Variants in ERI3 observed in about 807,000 individuals in gnomAD.
ERI3 encodes ERI1 exoribonuclease 3.
ERI3 carries 18 observed loss-of-function variants against 44.4 expected under a neutral mutation model. The observed-to-expected ratio is 0.41, with a 90% CI of 0.28 to 0.60. The LOEUF (loss-of-function observed/expected upper bound fraction) is 0.60. Ranked by LOEUF, ERI3 falls within the 20% of genes least tolerant of loss-of-function variation. The pLI is 0.36. For synonymous variants in ERI3, 183 were observed against 164.8 expected (o/e 1.11, Z -0.84); for missense variants, 294 against 435.5 (o/e 0.68, Z 2.89).
chr1:44,251,031 C>T (rs1457592691), intron 7 of ERI3, among the ~76,000 whole-genome samples: 1 of 152,176 alleles, frequency 6.6e-6, no homozygotes, highest in African/African-American at 2.4e-5. Context: ...GTACCAGGGC[C>T]CAGCACCTCA....
At chr1:44,267,473 C>A (rs372764507) in intron 7 of ERI3, among the ~76,000 whole-genome samples, 3 of 152,200 alleles carry the variant, frequency 2.0e-5, no homozygotes, top group East Asian at 3.8e-4. Flanking sequence ...ACACAAACAC[C>A]CACAGTCCAG....
intron 7 of ERI3, among the ~76,000 whole-genome samples, chr1:44,259,724 A>ACACACACACACACACACACAC (rs1553185527): frequency 8.1e-5 from 12 of 148,664 alleles, no homozygotes; most frequent in African/African-American, 1.7e-4. Context: ...ACACACACAC[A>ACACACACACACACACACACAC]AATTAGCCAG....
intron 7 of ERI3, among the ~76,000 whole-genome samples, chr1:44,275,679 C>T (rs996669229): frequency 2.6e-5 from 4 of 152,154 alleles, no homozygotes; most frequent in Non-Finnish European, 5.9e-5. Flanking sequence ...GCATAGTGTA[C>T]GGATGGCAGA....
intron 5 of ERI3, among the ~76,000 whole-genome samples, chr1:44,311,455 C>T (rs1310283640): frequency 6.6e-6 from 1 of 152,158 alleles, no homozygotes; most frequent in Non-Finnish European, 1.5e-5. Context: ...GTCCGGTCTC[C>T]TACCTGCCAG....
chr1:44,230,365 A>T (rs1157884129), intron 8 of ERI3: 1 of 152,218 alleles, frequency 6.6e-6, no homozygotes, highest in East Asian at 1.9e-4. Flanking sequence ...GGTTATAGCC[A>T]GATCACCTAC....
chr1:44,299,405 T>C (rs895652286), intron 6 of ERI3, among the ~76,000 whole-genome samples: 20 of 152,076 alleles, frequency 1.3e-4, no homozygotes, highest in African/African-American at 4.3e-4. Context: ...CTCAGGCTGG[T>C]CTCAAACTCC....
chr1:44,269,567 T>C (rs1645051495), intron 7 of ERI3, among the ~76,000 whole-genome samples: 1 of 152,222 alleles, frequency 6.6e-6, no homozygotes, highest in Admixed American at 6.5e-5. Context: ...CAGACATGCA[T>C]ATACAAATGG....
At chr1:44,250,598 G>A (rs1644656949) in intron 7 of ERI3, among the ~76,000 whole-genome samples, 1 of 152,202 alleles carries the variant, frequency 6.6e-6, no homozygotes, top group Non-Finnish European at 1.5e-5. Context: ...AGTCTGGCTT[G>A]TCAGAGCGAG....
intron 3 of ERI3, among the ~76,000 whole-genome samples, chr1:44,329,077 C>T (rs1020530976): frequency 9.9e-5 from 15 of 152,202 alleles, no homozygotes; most frequent in African/African-American, 3.4e-4. Flanking sequence ...CCTCAGAGTG[C>T]TCAGCACACT....
chr1:44,268,918 C>A (rs1281551911), intron 7 of ERI3, among the ~76,000 whole-genome samples: 1 of 152,190 alleles, frequency 6.6e-6, no homozygotes, highest in Non-Finnish European at 1.5e-5. Context: ...AGCCTAAAAG[C>A]ATTTGGCTTC....
intron 2 of ERI3, among the ~76,000 whole-genome samples, chr1:44,340,762 C>G (rs1182102399): frequency 1.3e-5 from 2 of 152,244 alleles, no homozygotes; most frequent in Non-Finnish European, 2.9e-5. Flanking sequence ...GGATCCTGCA[C>G]AAGCACAGCA....
intron 8 of ERI3, among the ~76,000 whole-genome samples, chr1:44,238,406 G>T (rs1311474769): frequency 1.3e-5 from 2 of 152,158 alleles, no homozygotes; most frequent in African/African-American, 4.8e-5. Context: ...GTCAGCGCAG[G>T]GCTAGATCCC....
chr1:44,234,853 G>A (rs1644267911), intron 8 of ERI3, among the ~76,000 whole-genome samples: 1 of 151,780 alleles, frequency 6.6e-6, no homozygotes, highest in Non-Finnish European at 1.5e-5. Context: ...GCCGATTCCC[G>A]TGCCTCAGCC....
intron 6 of ERI3, among the ~76,000 whole-genome samples, chr1:44,306,548 A>AG (rs775398578): frequency 5.3e-5 from 8 of 152,218 alleles, no homozygotes; most frequent in Non-Finnish European, 7.3e-5. Flanking sequence ...ACACCTGTCC[A>AG]GGGCCCACTG....
chr1:44,224,650 T>G (rs1044611958), intron 8 of ERI3, among the ~76,000 whole-genome samples: 1 of 152,216 alleles, frequency 6.6e-6, no homozygotes, highest in Non-Finnish European at 1.5e-5. Flanking sequence ...GAAGCTAGTT[T>G]TCTGGAGGAC....
At chr1:44,289,428 C>A (rs1029754463) in intron 6 of ERI3, among the ~76,000 whole-genome samples, 1 of 152,222 alleles carries the variant, frequency 6.6e-6, no homozygotes, top group African/African-American at 2.4e-5. Context: ...TACCCTCAGA[C>A]CCTAACTAGC....
At chr1:44,247,177 T>C (rs1006747612) in intron 8 of ERI3, among the ~76,000 whole-genome samples, 2 of 152,134 alleles carry the variant, frequency 1.3e-5, no homozygotes, top group African/African-American at 4.8e-5. Context: ...CCAACAGACA[T>C]GTATAATCAT....
chr1:44,245,133 C>T (rs1336460561), intron 8 of ERI3, among the ~76,000 whole-genome samples: 2 of 152,172 alleles, frequency 1.3e-5, no homozygotes, highest in African/African-American at 2.4e-5. Flanking sequence ...TCTTACAGCG[C>T]GACCCTTTTA....
chr1:44,349,201 G>A (rs1557872999), intron 2 of ERI3, among the ~76,000 whole-genome samples: 1 of 152,160 alleles, frequency 6.6e-6, no homozygotes. Context: ...CACCCAGGCT[G>A]GAGTGCAGTG....
Sources: allele counts gnomAD v4.1 joint callset (sites outside exome capture counted in the v4.1 genomes callset), GRCh38; gene constraint gnomAD v4.1.1; transcripts MANE v1.5; gene names NCBI Gene and HGNC (gene_info 2026-07-23, HGNC 2026-07-21).